The following GSDME variants were observed in gnomAD, a reference collection of about 807,000 sequenced individuals.
GSDME encodes the protein gasdermin-E.
In GSDME, 44 loss-of-function variants were observed where a neutral mutation model predicts 47.5. The ratio of observed to expected loss-of-function variants is 0.93; its 90% CI spans 0.73 to 1.19. The LOEUF (loss-of-function observed/expected upper bound fraction) is 1.19. Among genes scored for constraint, GSDME ranks in the 50% most tolerant of loss-of-function variants. GSDME has a pLI of 0.00. For missense variants in GSDME, 663 were observed against 604.2 expected (o/e 1.10, Z -1.02); for synonymous variants, 258 against 252.8 (o/e 1.02, Z -0.20).
At position 24,744,567 on chromosome 7, in the gene GSDME, G is replaced by A. The variant is rs769811688; in HGVS notation, c.399C>T (p.Ala133=). The change falls in exon 3 of 10, where the codon GCC becomes GCT. Residue 133 remains alanine (A), a synonymous_variant. Transcript: ENST00000645220. This position sits in a 1 kb window ranked among gnomAD's most constrained non-coding sequence, Gnocchi z 4.5. ...VDLQQLIRDS[A]ERTINLRNPV... ...TGCCAAACAAGTCTCCTTACCTCTC[G>A]GCAGAGTCTCTGATGAGCTGCTGCA... 8.3e-5 allele frequency: 134 copies of A among 1,613,888 alleles called. No homozygotes were observed. Among genetic ancestry groups the A allele is most frequent in the Non-Finnish European group, 1.0e-4 (121 of 1,179,996 alleles).
chr7:24,723,029 T>A (rs140731498), intron 3 of GSDME, among the ~76,000 whole-genome samples: 88 of 152,322 alleles, frequency 5.8e-4, no homozygotes, highest in Non-Finnish European at 8.5e-4. Context: ...AATCCTTCCC[T>A]GGGCAACCAA....
intron 9 of GSDME, among the ~76,000 whole-genome samples, chr7:24,702,111 A>G (rs935855554): frequency 1.1e-4 from 17 of 152,246 alleles, no homozygotes; most frequent in African/African-American, 4.1e-4. Flanking sequence ...AACATCTGCA[A>G]AAGCTACACA....
the GSDME span, among the ~76,000 whole-genome samples, chr7:24,764,407 G>C: frequency 6.6e-6 from 1 of 152,098 alleles, no homozygotes; most frequent in Non-Finnish European, 1.5e-5. This position sits in a 1 kb window ranked among gnomAD's most constrained non-coding sequence, Gnocchi z 4.4. Flanking sequence ...AAACCTTCAA[G>C]CTTCTTTTTT....
the GSDME span, among the ~76,000 whole-genome samples, chr7:24,787,672 A>C: frequency 6.6e-6 from 1 of 152,104 alleles, no homozygotes; most frequent in African/African-American, 2.4e-5. This position sits in a 1 kb window ranked among gnomAD's most constrained non-coding sequence, Gnocchi z 5.0. Context: ...TGGAGAACCA[A>C]AGAGGTTTTT....
At position 24,757,148 on chromosome 7, in the gene GSDME, G is replaced by C. The variant is rs1241992555; in HGVS notation, c.-20+248C>G. On this transcript the variant is annotated intron_variant, in intron 1 of 9. Coordinates refer to ENST00000645220, the MANE Select transcript of GSDME (RefSeq NM_001127453.2). This position sits in a 1 kb window ranked among gnomAD's most constrained non-coding sequence, Gnocchi z 5.9. ...GGGGATGCTGACTGCGAGTTGGGGC[G>C]GGACGCGGTGATGGGAGGGGACCGG... Among the ~76,000 whole-genome samples the C allele has an allele frequency of 6.6e-6, 1 of 152,196 alleles. No homozygotes were observed.
chr7:24,703,183 C>A, intron 8 of GSDME: 1 of 353,042 alleles, frequency 2.8e-6, no homozygotes, highest in East Asian at 7.3e-5. Flanking sequence ...TTGAGACCCT[C>A]CACACATTCA....
chr7:24,733,878 C>A lies in GSDME; in HGVS notation c.404+10684G>T, dbSNP rs1486184574. 6.6e-6 allele frequency among the ~76,000 whole-genome samples: 1 copy of A among 152,228 alleles called. No individual in the cohort carries two copies. Among genetic ancestry groups the A allele is most frequent in the Admixed American group, 6.5e-5 (1 of 15,286 alleles). On this transcript the variant is annotated intron_variant, in intron 3 of 9. Coordinates refer to ENST00000645220, the MANE Select transcript of GSDME (RefSeq NM_001127453.2). This position sits in a 1 kb window ranked among gnomAD's most constrained non-coding sequence, Gnocchi z 4.3. ...CACCTCATGTCTGAGGGGAAGGACACAAGCCTGGCTGGCTTTACCACCTGC... is the reference window on the plus strand; with the variant it reads ...CACCTCATGTCTGAGGGGAAGGACAAAAGCCTGGCTGGCTTTACCACCTGC...
chr7:24,777,722 T>C, the GSDME span, among the ~76,000 whole-genome samples: 8 of 152,172 alleles, frequency 5.3e-5, no homozygotes, highest in Non-Finnish European at 1.2e-4. Flanking sequence ...CAATTTATTT[T>C]GCTTTTTGAA....
At chr7:24,782,386 G>C in the GSDME span, among the ~76,000 whole-genome samples, 1 of 152,136 alleles carries the variant, frequency 6.6e-6, no homozygotes, top group Admixed American at 6.5e-5. Context: ...TCGCTACAAA[G>C]GACATGAATT....
chr7:24,771,099 C>A, the GSDME span, among the ~76,000 whole-genome samples: 1 of 151,874 alleles, frequency 6.6e-6, no homozygotes, highest in Non-Finnish European at 1.5e-5. This position sits in a 1 kb window ranked among gnomAD's most constrained non-coding sequence, Gnocchi z 4.1. Context: ...CTAGGCGTAT[C>A]GTATTGAAAC....
At position 24,739,390 on chromosome 7, in the gene GSDME, GATC is replaced by G. The variant is rs1391004212; in HGVS notation, c.404+5169_404+5171del. ...ATATGAAAATGTGCTCAACATCATT[GATC>G]ATCAGGGAAATGCAAATCAAAACTA... On this transcript the variant is annotated intron_variant, in intron 3 of 9. Transcript: ENST00000645220. The surrounding 1 kb of genome is among the most constrained non-coding windows in gnomAD (Gnocchi z 5.1). 3.9e-5 allele frequency among the ~76,000 whole-genome samples: 6 copies of G among 152,088 alleles called. No individual in the cohort carries two copies. Among genetic ancestry groups the G allele is most frequent in the African/African-American group, 1.4e-4 (6 of 41,406 alleles).
the GSDME span, among the ~76,000 whole-genome samples, chr7:24,772,537 T>C: frequency 2.0e-5 from 3 of 152,208 alleles, no homozygotes; most frequent in Non-Finnish European, 2.9e-5. This position sits in a 1 kb window ranked among gnomAD's most constrained non-coding sequence, Gnocchi z 4.5. Flanking sequence ...CAGATATCTG[T>C]TGAATGCATA....
chr7:24,760,962 C>T (rs1791157524), upstream of GSDME, among the ~76,000 whole-genome samples: 1 of 152,318 alleles, frequency 6.6e-6, no homozygotes, highest in Non-Finnish European at 1.5e-5. The surrounding 1 kb of genome is among the most constrained non-coding windows in gnomAD (Gnocchi z 4.2). Flanking sequence ...AAATGATCAA[C>T]CAATATTGTC....
intron 3 of GSDME, among the ~76,000 whole-genome samples, chr7:24,738,226 T>G (rs140241846): frequency 6.6e-6 from 1 of 152,096 alleles, no homozygotes; most frequent in East Asian, 1.9e-4. Context: ...TTGGAAAAAC[T>G]TAAAGACTCC....
chr7:24,748,303 G>A (rs1562715079), intron 2 of GSDME, among the ~76,000 whole-genome samples: 2 of 151,940 alleles, frequency 1.3e-5, no homozygotes, highest in South Asian at 4.2e-4. Context: ...GGGATTACAG[G>A]TGCCTACCAC....
At chr7:24,731,001 C>T (rs1790126111) in intron 3 of GSDME, among the ~76,000 whole-genome samples, 2 of 152,178 alleles carry the variant, frequency 1.3e-5, no homozygotes, top group East Asian at 3.9e-4. Context: ...TCACTAAAAC[C>T]AAGACCAGGA....
At chr7:24,772,562 A>C in the GSDME span, among the ~76,000 whole-genome samples, 1 of 152,250 alleles carries the variant, frequency 6.6e-6, no homozygotes, top group Non-Finnish European at 1.5e-5. The surrounding 1 kb of genome is among the most constrained non-coding windows in gnomAD (Gnocchi z 4.5). Context: ...AAGAATGAAC[A>C]GTCAACTGTG....
At chr7:24,757,792 G>C (rs1300724574), upstream of GSDME, 1 of 152,398 alleles carries the variant, frequency 6.6e-6, no homozygotes, top group African/African-American at 2.4e-5. The surrounding 1 kb of genome is among the most constrained non-coding windows in gnomAD (Gnocchi z 5.9). Flanking sequence ...GGGACCGTGG[G>C]GTTTGAGAGC....
chr7:24,744,898 G>T lies in GSDME; in HGVS notation c.212-144C>A. On this transcript the variant is annotated intron_variant, in intron 2 of 9. Transcript: ENST00000645220. This position sits in a 1 kb window ranked among gnomAD's most constrained non-coding sequence, Gnocchi z 4.5. ...TGGAAAGCCGGCAGCCATGCTGTGT[G>T]TGTGGGCAAGAAAACAGGGCAGCAC... The T allele has an allele frequency of 1.2e-6, 1 of 861,742 alleles. No homozygotes were observed. Among genetic ancestry groups the T allele is most frequent in the Non-Finnish European group, 1.9e-6 (1 of 533,924 alleles). The allele number at this position is 861,742 out of a possible 1,614,324, so 53.4% of individuals were successfully genotyped here. A position where few individuals can be genotyped will look rare whatever the true frequency, so the allele number is the denominator to read the frequency against.
Sources: allele counts gnomAD v4.1 joint callset (sites outside exome capture counted in the v4.1 genomes callset), GRCh38; gene constraint gnomAD v4.1.1; non-coding constraint Gnocchi (gnomAD v3.1); transcripts MANE v1.5; gene names NCBI Gene and HGNC (gene_info 2026-07-23, HGNC 2026-07-21).